ATP10B: variants seen among roughly 807,000 people sequenced by gnomAD.
ATP10B encodes ATPase phospholipid transporting 10B (putative), also known as phospholipid-transporting ATPase VB.
A neutral mutation model predicts 141.2 loss-of-function variants in ATP10B; 122 were observed. That is an observed-to-expected ratio of 0.86 (90% CI 0.75 to 1.00). ATP10B has a LOEUF of 1.00. ATP10B is among the 50% of genes least tolerant of loss of function. The pLI is 0.00. For synonymous variants in ATP10B, 685 were observed against 692.0 expected, an observed-to-expected ratio of 0.99 and a Z score of 0.16; for missense variants, 1,876 against 1,825.3, an observed-to-expected ratio of 1.03 and a Z score of -0.51.
intron 1 of ATP10B, among the ~76,000 whole-genome samples, chr5:160,799,611 A>G (rs1248844519): frequency 6.6e-6 from 1 of 152,180 alleles, no homozygotes; most frequent in African/African-American, 2.4e-5. Flanking sequence ...GTATGAACTT[A>G]AAAATCAATG....
chr5:160,612,521 G>A, intron 18 of ATP10B: 2 of 400,822 alleles, frequency 5.0e-6, no homozygotes, highest in African/African-American at 2.0e-5. Flanking sequence ...AGTGCCAGAA[G>A]TAATGTAAAA....
chr5:160,811,380 G>A (rs1174032427), intron 1 of ATP10B, among the ~76,000 whole-genome samples: 1 of 152,128 alleles, frequency 6.6e-6, no homozygotes, highest in East Asian at 1.9e-4. Context: ...GGTTCTTGGG[G>A]TCCCTGATTC....
At chr5:160,814,556 C>T (rs35667611) in intron 1 of ATP10B, among the ~76,000 whole-genome samples, 4 of 140,414 alleles carry the variant, frequency 2.8e-5, no homozygotes, top group African/African-American at 1.0e-4. Context: ...GTAGGAAAAC[C>T]CTCTGCAGGA....
rs1757973392 is a variant in ATP10B, at chr5:160,615,976, GAA to G, written c.2527-14_2527-13del. On this transcript the variant is annotated splice_polypyrimidine_tract_variant and intron_variant, in intron 16 of 25. Coordinates refer to ENST00000327245, the MANE Select transcript of ATP10B (RefSeq NM_025153.3). The stretch of plus-strand genomic sequence containing the variant: ...TCTTCGCTTACAACCTATGGGATGG[GAA>G]AAGGCTCCTTAACAATCTTGGGTGG... 1 of 1,608,444 alleles carries G rather than the reference GAA, an allele frequency of 6.2e-7. No homozygotes were observed. Among genetic ancestry groups the G allele is most frequent in the Admixed American group, 1.7e-5 (1 of 59,844 alleles).
At chr5:160,877,432 T>C in the ATP10B span, among the ~76,000 whole-genome samples, 2 of 142,408 alleles carry the variant, frequency 1.4e-5, no homozygotes, top group Non-Finnish European at 3.1e-5. Context: ...AATATCATAC[T>C]GAATGGGCAA....
the ATP10B span, among the ~76,000 whole-genome samples, chr5:160,918,276 G>A: frequency 1.3e-5 from 2 of 152,158 alleles, no homozygotes; most frequent in African/African-American, 2.4e-5. Flanking sequence ...ATTAGAAGTG[G>A]CAATAAACTA....
the ATP10B span, among the ~76,000 whole-genome samples, chr5:160,875,646 T>C: frequency 1.9e-4 from 14 of 74,714 alleles, no homozygotes; most frequent in African/African-American, 4.1e-4. Context: ...ACCCATCTCA[T>C]GTGCAGAGAC....
intron 2 of ATP10B, among the ~76,000 whole-genome samples, chr5:160,755,292 C>A (rs193015826): frequency 6.6e-6 from 1 of 152,066 alleles, no homozygotes; most frequent in African/African-American, 2.4e-5. Context: ...GGGAAATATC[C>A]GCCCCATGAT....
At chr5:160,649,714 T>C (rs145737500) in intron 7 of ATP10B, among the ~76,000 whole-genome samples, 91 of 152,330 alleles carry the variant, frequency 6.0e-4, no homozygotes, top group Non-Finnish European at 5.9e-4. Flanking sequence ...GGTTATCACA[T>C]TCGATACCAC....
intron 1 of ATP10B, among the ~76,000 whole-genome samples, chr5:160,818,984 C>T (rs557633575): frequency 1.3e-5 from 2 of 152,226 alleles, no homozygotes; most frequent in South Asian, 2.1e-4. Context: ...GAACATCACA[C>T]ACCAGGGCCT....
chr5:160,676,336 G>A (rs115608217), intron 6 of ATP10B, among the ~76,000 whole-genome samples: 4 of 152,206 alleles, frequency 2.6e-5, no homozygotes, highest in Admixed American at 6.5e-5. Context: ...CTTCAGCCTG[G>A]GGGTATTCAA....
chr5:160,565,197 C>G lies in ATP10B; in HGVS notation c.*256G>C, dbSNP rs1754456793. 7.8e-6 allele frequency: 4 copies of G among 512,012 alleles called. No homozygotes were observed. In the East Asian group the frequency reaches 1.3e-4, roughly 17 times the overall value. The allele number at this position is 512,012 out of a possible 1,614,324, so 31.7% of individuals were successfully genotyped here. A position where few individuals can be genotyped will look rare whatever the true frequency, so the allele number is the denominator to read the frequency against. On this transcript the variant is annotated 3_prime_UTR_variant, in exon 26 of 26. Coordinates refer to ENST00000327245, the MANE Select transcript of ATP10B (RefSeq NM_025153.3). ...TCTAAACCGATTTGAGAACTCGATTCAACAAAAACAGCCTCCTTCTCCAAA... is the reference window on the plus strand; with the variant it reads ...TCTAAACCGATTTGAGAACTCGATTGAACAAAAACAGCCTCCTTCTCCAAA...
At chr5:160,678,614 G>A (rs901590997) in intron 6 of ATP10B, among the ~76,000 whole-genome samples, 3 of 152,164 alleles carry the variant, frequency 2.0e-5, no homozygotes, top group Non-Finnish European at 4.4e-5. Flanking sequence ...TCAAGACTGC[G>A]CCACTGCACT....
chr5:160,876,419 C>T, the ATP10B span, among the ~76,000 whole-genome samples: 2 of 149,640 alleles, frequency 1.3e-5, no homozygotes, highest in Admixed American at 6.7e-5. Context: ...ACTAAATGCC[C>T]ACAAGAGAAA....
intron 1 of ATP10B, among the ~76,000 whole-genome samples, chr5:160,836,908 C>T (rs2127982698): frequency 6.6e-6 from 1 of 151,784 alleles, no homozygotes; most frequent in East Asian, 1.9e-4. Context: ...ATAGATTCTC[C>T]TCCTAGAGCG....
intron 1 of ATP10B, among the ~76,000 whole-genome samples, chr5:160,813,270 G>T (rs542172877): frequency 9.8e-5 from 15 of 152,312 alleles, no homozygotes; most frequent in Admixed American, 3.3e-4. Flanking sequence ...CTGGAAAATC[G>T]GGTCACTCCC....
chr5:160,904,283 AC>A, the ATP10B span, among the ~76,000 whole-genome samples: 1 of 152,126 alleles, frequency 6.6e-6, no homozygotes, highest in East Asian at 1.9e-4. Flanking sequence ...TAGCTAGGTA[AC>A]CTACTTAATC....
At chr5:160,848,939 A>G (rs1753620587) in intron 1 of ATP10B, among the ~76,000 whole-genome samples, 1 of 152,188 alleles carries the variant, frequency 6.6e-6, no homozygotes. Flanking sequence ...GTAACTGGGC[A>G]TGTTCTCCAG....
intron 21 of ATP10B, among the ~76,000 whole-genome samples, 155 bp from the exon 22 acceptor site, chr5:160,599,125 C>A (rs1756932133): frequency 6.6e-6 from 1 of 152,146 alleles, no homozygotes; most frequent in South Asian, 2.1e-4. Flanking sequence ...ATCCTCGGAG[C>A]AGTAGCTACC....
Sources: gnomAD v4.1 joint callset for allele counts (sites outside exome capture counted in the v4.1 genomes callset) on GRCh38, gnomAD v4.1.1 for gene constraint, MANE v1.5 for transcripts, NCBI Gene and HGNC (gene_info 2026-07-23, HGNC 2026-07-21) for gene names.